The following ANKRD44 variants were observed in gnomAD, a reference collection of about 807,000 sequenced individuals.
ANKRD44 encodes ankyrin repeat domain 44, also known as serine/threonine-protein phosphatase 6 regulatory ankyrin repeat subunit B.
ANKRD44 carries 35 observed loss-of-function variants against 116.0 expected under a neutral mutation model. The ratio of observed to expected loss-of-function variants is 0.30; its 90% CI spans 0.23 to 0.40. The LOEUF (loss-of-function observed/expected upper bound fraction) is 0.40. ANKRD44 is among the 10% of genes least tolerant of loss of function. The pLI is 1.00. For synonymous variants in ANKRD44, 435 were observed against 461.8 expected, an observed-to-expected ratio of 0.94 and a Z score of 0.74; for missense variants, 1,014 against 1,242.6, an observed-to-expected ratio of 0.82 and a Z score of 2.77.
At chr2:197,278,144 G>A (rs928193524) in intron 1 of ANKRD44, among the ~76,000 whole-genome samples, 1 of 152,050 alleles carries the variant, frequency 6.6e-6, no homozygotes, top group Non-Finnish European at 1.5e-5. Context: ...CAGTGGGGAC[G>A]GGAGGGATGG....
intron 16 of ANKRD44, among the ~76,000 whole-genome samples, chr2:197,038,796 C>T (rs1382978240): frequency 6.6e-6 from 1 of 152,086 alleles, no homozygotes; most frequent in South Asian, 2.1e-4. Flanking sequence ...CAAAATAAAG[C>T]CACTATTATT....
chr2:197,264,359 G>A (rs904553069), intron 1 of ANKRD44, among the ~76,000 whole-genome samples: 3 of 152,120 alleles, frequency 2.0e-5, no homozygotes, highest in Non-Finnish European at 2.9e-5. Flanking sequence ...TAAGTATCCC[G>A]ACTAATACCT....
chr2:197,108,380 C>T (rs113815994), intron 9 of ANKRD44, among the ~76,000 whole-genome samples: 31 of 152,282 alleles, frequency 2.0e-4, no homozygotes, highest in African/African-American at 5.1e-4. Flanking sequence ...ATATAATAGG[C>T]TACATATTAT....
At chr2:197,139,631 A>C (rs1361458546) in intron 3 of ANKRD44, among the ~76,000 whole-genome samples, 1 of 151,472 alleles carries the variant, frequency 6.6e-6, no homozygotes, top group African/African-American at 2.4e-5. Flanking sequence ...AAATATATAG[A>C]TATAGATATA....
At chr2:197,077,467 C>T (rs1013519778) in intron 16 of ANKRD44, among the ~76,000 whole-genome samples, 7 of 152,150 alleles carry the variant, frequency 4.6e-5, no homozygotes, top group African/African-American at 1.7e-4. Flanking sequence ...TGTGGTTCCA[C>T]TCCTAGGGGA....
intron 21 of ANKRD44, among the ~76,000 whole-genome samples, chr2:196,971,958 C>T (rs2075718920): frequency 6.6e-6 from 1 of 152,180 alleles, no homozygotes; most frequent in Admixed American, 6.5e-5. Flanking sequence ...CAGCTCTGTC[C>T]TCTTGAGGGA....
chr2:197,287,061 C>T (rs1370415154), intron 1 of ANKRD44, among the ~76,000 whole-genome samples: 1 of 152,070 alleles, frequency 6.6e-6, no homozygotes, highest in East Asian at 1.9e-4. Context: ...GAACGTACAA[C>T]ACCAAGAGTG....
At chr2:197,004,719 A>T (rs1434160158) in intron 21 of ANKRD44, among the ~76,000 whole-genome samples, 1 of 152,196 alleles carries the variant, frequency 6.6e-6, no homozygotes, top group African/African-American at 2.4e-5. Flanking sequence ...AATTTATTAA[A>T]ATTAAAAAAT....
In ANKRD44 at chr2:197,083,522, CA is replaced by C. The variant is rs1330422106; in HGVS notation, c.1317-14del. The C allele has an allele frequency of 6.2e-7, 1 of 1,607,816 alleles. No individual in the cohort carries two copies. Among genetic ancestry groups the C allele is most frequent in the African/African-American group, 1.3e-5 (1 of 74,712 alleles). ...GTGCAAAGGGGTCCTGAAAAACAAA[CA>C]GCAATTTATTACTCCATTCAGTCTA... On this transcript the variant is annotated splice_polypyrimidine_tract_variant and intron_variant, in intron 13 of 27. Transcript: ENST00000282272.
At chr2:197,275,428 CAAAAAAAAAA>C (rs527811437) in intron 1 of ANKRD44, among the ~76,000 whole-genome samples, 16 of 97,284 alleles carry the variant, frequency 1.6e-4, no homozygotes, top group South Asian at 3.5e-4. Context: ...CCAGTCTCTT[CAAAAAAAAAA>C]AAAAAAAAAA....
chr2:197,222,824 T>TTTA (rs1559162919), intron 1 of ANKRD44, among the ~76,000 whole-genome samples: 2 of 132,198 alleles, frequency 1.5e-5, no homozygotes, highest in East Asian at 1.9e-4. Flanking sequence ...TTATTTATTT[T>TTTA]TTTTTTGAGA....
intron 1 of ANKRD44, among the ~76,000 whole-genome samples, chr2:197,249,573 T>A (rs1167518267): frequency 6.6e-6 from 1 of 152,188 alleles, no homozygotes; most frequent in Non-Finnish European, 1.5e-5. Flanking sequence ...ATAAAACACA[T>A]AATCTCCTCA....
chr2:197,254,853 A>G (rs561001738), intron 1 of ANKRD44, among the ~76,000 whole-genome samples: 1 of 152,324 alleles, frequency 6.6e-6, no homozygotes, highest in South Asian at 2.1e-4. Flanking sequence ...TACTAGTTGT[A>G]CTGTGGCACT....
intron 1 of ANKRD44, among the ~76,000 whole-genome samples, chr2:197,284,122 T>A (rs2083339151): frequency 6.6e-6 from 1 of 152,208 alleles, no homozygotes; most frequent in Non-Finnish European, 1.5e-5. Flanking sequence ...TTGCATCTTC[T>A]CCACGTTATG....
At chr2:197,005,610 A>T in intron 21 of ANKRD44, 84 bp downstream of exon 21, 1 of 1,226,386 alleles carries the variant, frequency 8.2e-7, no homozygotes. Context: ...TTGCAGAATT[A>T]CATAAGGCTC....
At chr2:197,035,195 T>C (rs188336659) in intron 16 of ANKRD44, among the ~76,000 whole-genome samples, 189 of 152,266 alleles carry the variant, frequency 1.2e-3, no homozygotes, top group African/African-American at 4.4e-3. Flanking sequence ...AGTAATCTTA[T>C]CATCCAAATT....
chr2:197,019,200 G>T (rs2076448954), intron 17 of ANKRD44, among the ~76,000 whole-genome samples: 1 of 152,168 alleles, frequency 6.6e-6, no homozygotes, highest in Non-Finnish European at 1.5e-5. Context: ...AAGCGAGAAG[G>T]TACACTTCTG....
intron 4 of ANKRD44, chr2:197,135,090 T>C (rs1487469732): frequency 6.6e-6 from 1 of 152,156 alleles, no homozygotes; most frequent in Non-Finnish European, 1.5e-5. Flanking sequence ...TTTTAAAACC[T>C]ACTAAAATCA....
At chr2:197,015,718 G>T (rs773430857) in intron 17 of ANKRD44, 1 of 546,886 alleles carries the variant, frequency 1.8e-6, no homozygotes, top group African/African-American at 1.9e-5. Context: ...CACCTATGAT[G>T]GTGGTCCTGG....
Sources: gnomAD v4.1 joint callset for allele counts (sites outside exome capture counted in the v4.1 genomes callset) on GRCh38, gnomAD v4.1.1 for gene constraint, MANE v1.5 for transcripts, NCBI Gene and HGNC (gene_info 2026-07-23, HGNC 2026-07-21) for gene names.